The following ANKS1A variants were observed in gnomAD, a reference collection of about 807,000 sequenced individuals.
ANKS1A encodes the protein ankyrin repeat and SAM domain-containing protein 1A.
A neutral mutation model predicts 120.3 loss-of-function variants in ANKS1A; 55 were observed. The ratio of observed to expected loss-of-function variants is 0.46; its 90% CI spans 0.37 to 0.57. ANKS1A has a LOEUF of 0.57. Ranked by LOEUF, ANKS1A falls within the 20% of genes least tolerant of loss-of-function variation. The pLI, the probability that ANKS1A is intolerant of heterozygous loss-of-function variation, is 0.00. For missense variants in ANKS1A, 1,123 were observed against 1,480.3 expected, an observed-to-expected ratio of 0.76 and a Z score of 3.96; for synonymous variants, 590 against 604.7, an observed-to-expected ratio of 0.98 and a Z score of 0.36.
intron 1 of ANKS1A, among the ~76,000 whole-genome samples, chr6:34,909,058 C>A (rs936841862): frequency 4.6e-5 from 7 of 152,164 alleles, no homozygotes; most frequent in African/African-American, 1.7e-4. Context: ...CCCCAGAAGT[C>A]TCCTTTGTGT....
chr6:35,026,740 C>G (rs897176793), intron 11 of ANKS1A, among the ~76,000 whole-genome samples: 1 of 152,170 alleles, frequency 6.6e-6, no homozygotes, highest in Non-Finnish European at 1.5e-5. Flanking sequence ...AAATCCTACC[C>G]TACACTTAAT....
At chr6:34,989,067 G>C (rs552891240) in intron 8 of ANKS1A, among the ~76,000 whole-genome samples, 157 bp from the exon 9 acceptor site, 58 of 152,288 alleles carry the variant, frequency 3.8e-4, no homozygotes, top group Middle Eastern at 3.4e-3. Flanking sequence ...TATGCACAGA[G>C]TTCTCCATCT....
At chr6:35,052,443 C>G (rs1337512833) in intron 11 of ANKS1A, among the ~76,000 whole-genome samples, 1 of 151,020 alleles carries the variant, frequency 6.6e-6, no homozygotes, top group Non-Finnish European at 1.5e-5. Context: ...AGAGCAAGAC[C>G]CTGCCTCCAA....
At chr6:35,033,399 C>T (rs1221469718) in intron 11 of ANKS1A, among the ~76,000 whole-genome samples, 6 of 152,126 alleles carry the variant, frequency 3.9e-5, no homozygotes, top group Admixed American at 2.0e-4. Context: ...GTTCACATCT[C>T]AGACATGTAT....
Position 35,077,164 on chromosome 6 carries a change from G to A in ANKS1A, c.2185-1394G>A, listed in dbSNP as rs374761795. ...GGCGTCACTAAGAAGAGCAGAAAGA[G>A]CTGTCAGTGTTAAGGCACGCACCCT... On this transcript the variant is annotated intron_variant, in intron 13 of 23. Transcript: ENST00000360359. 1.4e-4 allele frequency among the ~76,000 whole-genome samples: 22 copies of A among 152,328 alleles called. No individual in the cohort carries two copies. In the South Asian group the frequency reaches 4.4e-3, roughly 30 times the overall value.
At chr6:34,983,629 A>G (rs566797891) in intron 7 of ANKS1A, among the ~76,000 whole-genome samples, 2 of 152,214 alleles carry the variant, frequency 1.3e-5, no homozygotes, top group East Asian at 1.9e-4. Context: ...CCTCTTTCCT[A>G]CTTTATTTTA....
At chr6:34,933,001 T>C (rs1437041276) in intron 1 of ANKS1A, among the ~76,000 whole-genome samples, 2 of 152,252 alleles carry the variant, frequency 1.3e-5, no homozygotes, top group Admixed American at 6.5e-5. Flanking sequence ...TGACATTTGT[T>C]ATTGTCCATT....
At chr6:34,961,990 T>A (rs950389198) in intron 1 of ANKS1A, among the ~76,000 whole-genome samples, 8 of 152,216 alleles carry the variant, frequency 5.3e-5, no homozygotes, top group Non-Finnish European at 1.0e-4. Context: ...AATTTGTTTT[T>A]AGATTCTTAG....
rs1015046013 is a variant in ANKS1A, at chr6:35,044,934, G to C, written c.2011-9165G>C. Among the ~76,000 whole-genome samples, 3 of 152,208 alleles carry C rather than the reference G, an allele frequency of 2.0e-5. No homozygotes were observed. The highest frequency in any genetic ancestry group is 7.2e-5 in the African/African-American group (3 of 41,452). On this transcript the variant is annotated intron_variant, in intron 11 of 23. Transcript: ENST00000360359. The surrounding 1 kb of genome is among the most constrained non-coding windows in gnomAD (Gnocchi z 4.4). ...CATCTGTGGTTTTACGAGGACTACA[G>C]ATGTTTCCCAGTGTAAGTAAGGCTG...
intron 10 of ANKS1A, among the ~76,000 whole-genome samples, chr6:34,994,739 T>A (rs1772761404): frequency 6.6e-6 from 1 of 152,158 alleles, no homozygotes; most frequent in Admixed American, 6.5e-5. Flanking sequence ...TCATAAACCC[T>A]CAAGTTAATG....
At chr6:34,909,755 A>G (rs1315452318) in intron 1 of ANKS1A, among the ~76,000 whole-genome samples, 1 of 152,172 alleles carries the variant, frequency 6.6e-6, no homozygotes, top group Non-Finnish European at 1.5e-5. Flanking sequence ...AGGGCTGGGG[A>G]AATGTTCCTC....
chr6:34,999,268 C>T (rs907648987), intron 10 of ANKS1A, among the ~76,000 whole-genome samples: 1 of 152,198 alleles, frequency 6.6e-6, no homozygotes, highest in Non-Finnish European at 1.5e-5. Flanking sequence ...GAAGCATGGC[C>T]TGATCACCCA....
At position 35,082,722 on chromosome 6, in the gene ANKS1A, G is replaced by C. The variant is rs201109760; in HGVS notation, c.2741G>C (p.Arg914Pro). ...EEHREAKLTL[R>P]PPSLAAPYAP... Reference sequence around the variant, plus strand: ...CACCGTGAGGCCAAGCTGACCCTGCGGCCCCCGAGCCTGGCAGCCCCCTAC... The same window carrying C: ...CACCGTGAGGCCAAGCTGACCCTGCCGCCCCCGAGCCTGGCAGCCCCCTAC... Residue 914 changes from arginine (R) to proline (P), a missense_variant, in exon 18 of 24, where the codon CGG becomes CCG. Arg to Pro is a moderately radical substitution (Grantham distance 103). Coordinates refer to ENST00000360359, the MANE Select transcript of ANKS1A (RefSeq NM_015245.3). This position sits in a 1 kb window ranked among gnomAD's most constrained non-coding sequence, Gnocchi z 4.1. The C allele has an allele frequency of 1.2e-6, 2 of 1,612,182 alleles. No individual in the cohort carries two copies. The highest frequency in any genetic ancestry group is 4.5e-5 in the East Asian group (2 of 44,708).
intron 3 of ANKS1A, chr6:34,972,655 G>C: frequency 1.0e-6 from 1 of 984,562 alleles, no homozygotes; most frequent in Non-Finnish European, 1.2e-6. Context: ...TGTGTACTTT[G>C]CTGCCAGGAA....
chr6:34,895,815 T>C (rs1222358289), intron 1 of ANKS1A, among the ~76,000 whole-genome samples: 1 of 131,134 alleles, frequency 7.6e-6, no homozygotes, highest in African/African-American at 3.2e-5. Flanking sequence ...TCTGAGACAG[T>C]GTCTCTCTCT....
chr6:35,095,556 C>T (rs376414266), downstream of ANKS1A, among the ~76,000 whole-genome samples: 5 of 55,290 alleles, frequency 9.0e-5, no homozygotes, highest in Non-Finnish European at 1.9e-4. Context: ...GACTGTGTCA[C>T]AAAAAAAAAA....
intron 13 of ANKS1A, among the ~76,000 whole-genome samples, chr6:35,061,865 G>A (rs1776524254): frequency 2.6e-5 from 4 of 152,184 alleles, no homozygotes; most frequent in Admixed American, 2.0e-4. Flanking sequence ...TCGGAGTGTT[G>A]AGGGGCCTTC....
chr6:35,073,366 T>C (rs1561956871), intron 13 of ANKS1A, among the ~76,000 whole-genome samples: 1 of 152,222 alleles, frequency 6.6e-6, no homozygotes, highest in Non-Finnish European at 1.5e-5. Flanking sequence ...GGGGCCATCC[T>C]GGCTCTGCCT....
intron 11 of ANKS1A, among the ~76,000 whole-genome samples, chr6:35,035,063 G>A (rs1381303702): frequency 6.6e-6 from 1 of 152,262 alleles, no homozygotes; most frequent in Non-Finnish European, 1.5e-5. Context: ...GAAGAAAGGC[G>A]TTGGCTGGCC....
Sources: allele counts gnomAD v4.1 joint callset (sites outside exome capture counted in the v4.1 genomes callset), GRCh38; gene constraint gnomAD v4.1.1; non-coding constraint Gnocchi (gnomAD v3.1); transcripts MANE v1.5; gene names NCBI Gene and HGNC (gene_info 2026-07-23, HGNC 2026-07-21).